Variants in SLC35E2B observed in about 807,000 individuals in gnomAD.
SLC35E2B encodes solute carrier family 35, member E2B.
A neutral mutation model predicts 32.4 loss-of-function variants in SLC35E2B; 18 were observed. The observed-to-expected ratio is 0.56, with a 90% CI of 0.38 to 0.82. The LOEUF (loss-of-function observed/expected upper bound fraction) is 0.82. Ranked by LOEUF, SLC35E2B falls within the 40% of genes least tolerant of loss-of-function variation. The probability of loss-of-function intolerance (pLI) is 0.00; values close to 1 mark genes in which losing one functional copy is unlikely to be tolerated. For synonymous variants in SLC35E2B, 132 were observed against 209.1 expected (o/e 0.63, Z 3.18); for missense variants, 263 against 469.5 (o/e 0.56, Z 4.06).
intron 2 of SLC35E2B, among the ~76,000 whole-genome samples, chr1:1,678,629 C>T (rs568845921): frequency 6.6e-6 from 1 of 152,270 alleles, no homozygotes; most frequent in East Asian, 1.9e-4. Flanking sequence ...AGGCCGACCC[C>T]TCCACCAGTT....
intron 2 of SLC35E2B, among the ~76,000 whole-genome samples, chr1:1,684,025 T>C (rs1359658841): frequency 6.6e-6 from 1 of 152,108 alleles, no homozygotes; most frequent in African/African-American, 2.4e-5. Context: ...CCCAGTACTT[T>C]GGAAGGCCGA....
Position 1,665,595 on chromosome 1 carries a change from G to A in SLC35E2B, c.*187C>T, listed in dbSNP as rs1643521043. The A allele has an allele frequency of 1.1e-6, 1 of 889,716 alleles. No homozygotes were observed. The highest frequency in any genetic ancestry group is 2.7e-5 in the East Asian group (1 of 37,470). The allele number at this position is 889,716 out of a possible 1,614,324, so 55.1% of individuals were successfully genotyped here. ...ACTGGTCTGGTCTCTACTCCAGGAAGCTGATACCTGGAATCCCCAGTTTGA... is the reference window on the plus strand; with the variant it reads ...ACTGGTCTGGTCTCTACTCCAGGAAACTGATACCTGGAATCCCCAGTTTGA... On this transcript the variant is annotated 3_prime_UTR_variant, in exon 10 of 10. Transcript: ENST00000617444.
At chr1:1,681,577 G>T (rs991898912) in intron 2 of SLC35E2B, among the ~76,000 whole-genome samples, 2 of 150,976 alleles carry the variant, frequency 1.3e-5, no homozygotes, top group African/African-American at 4.9e-5. Flanking sequence ...CACAATCTCA[G>T]CTCACCGTAG....
chr1:1,666,791 C>G (rs553360922), intron 9 of SLC35E2B, among the ~76,000 whole-genome samples: 1 of 148,932 alleles, frequency 6.7e-6, no homozygotes, highest in Non-Finnish European at 1.5e-5. Context: ...AGGCCGGGCA[C>G]GGGGGCTCAG....
At chr1:1,684,978 A>C (rs1643934002) in intron 2 of SLC35E2B, among the ~76,000 whole-genome samples, 1 of 146,418 alleles carries the variant, frequency 6.8e-6, no homozygotes, top group South Asian at 2.2e-4. Context: ...GTGGTGGCGC[A>C]TGCCTGTAGT....
rs1243103265 is a variant in SLC35E2B at position 1,662,111 on chromosome 1, T to C, written c.*3671A>G. On this transcript the variant is annotated 3_prime_UTR_variant, in exon 10 of 10. Transcript: ENST00000617444. ...CTGAAGGTTTCTGTGCTCTGAGGGA[T>C]CCGAGAGTGGATGTCCCACTCCTGT... The C allele has an allele frequency of 2.1e-6, 2 of 937,736 alleles. No individual in the cohort carries two copies. The highest frequency in any genetic ancestry group is 2.5e-6 in the Non-Finnish European group (2 of 792,288). The allele number at this position is 937,736 out of a possible 1,614,324, so 58.1% of individuals were successfully genotyped here. A position where few individuals can be genotyped will look rare whatever the true frequency, so the allele number is the denominator to read the frequency against.
Position 1,665,457 on chromosome 1 carries a change from C to G in SLC35E2B, c.*325G>C. On this transcript the variant is annotated 3_prime_UTR_variant, in exon 10 of 10. Transcript: ENST00000617444. Reference sequence around the variant, plus strand: ...TCGTTGGCACTGGACCCACCTCTGGCTCCCGGTGGACCCTGGGGTGTCGCC... The same window carrying G: ...TCGTTGGCACTGGACCCACCTCTGGGTCCCGGTGGACCCTGGGGTGTCGCC... 1 of 528,644 alleles carries G rather than the reference C, an allele frequency of 1.9e-6. No individual in the cohort carries two copies. Among genetic ancestry groups the G allele is most frequent in the Non-Finnish European group, 3.3e-6 (1 of 301,052 alleles). The allele number at this position is 528,644 out of a possible 1,614,324, so 32.7% of individuals were successfully genotyped here.
In SLC35E2B at chr1:1,664,565, AACAC is replaced by A. The variant is rs1476511962; in HGVS notation, c.*1213_*1216del. 1.1e-6 allele frequency: 1 copy of A among 899,364 alleles called. No homozygotes were observed. The highest frequency in any genetic ancestry group is 6.6e-5 in the Admixed American group (1 of 15,162). 55.7% of individuals were successfully genotyped at this position (899,364 alleles called of 1,614,324 possible). ...CAGACATGGTCAGAAGCCTCTGCCTAACACACGGCTCCAGTAGCCACTCCTCAGG... is the reference window on the plus strand; with the variant it reads ...CAGACATGGTCAGAAGCCTCTGCCTAACGGCTCCAGTAGCCACTCCTCAGG... On this transcript the variant is annotated 3_prime_UTR_variant, in exon 10 of 10. Transcript: ENST00000617444.
chr1:1,667,174 A>T (rs1397089281), intron 9 of SLC35E2B, among the ~76,000 whole-genome samples: 1 of 134,890 alleles, frequency 7.4e-6, no homozygotes, highest in Non-Finnish European at 1.6e-5. Context: ...TGGGAGGCTG[A>T]GGCGGGCAGA....
Position 1,664,844 on chromosome 1 carries a change from G to A in SLC35E2B, c.*938C>T. ...AAGGCTCACGTGGGGAACCGGACAG[G>A]TGCTAGATGATGATAGGAACAGTGG... On this transcript the variant is annotated 3_prime_UTR_variant, in exon 10 of 10. Coordinates refer to ENST00000617444, the MANE Select transcript of SLC35E2B (RefSeq NM_001290264.2). 1 of 912,922 alleles carries A rather than the reference G, an allele frequency of 1.1e-6. No homozygotes were observed. Among genetic ancestry groups the A allele is most frequent in the Non-Finnish European group, 1.3e-6 (1 of 768,964 alleles). 56.6% of individuals were successfully genotyped at this position (912,922 alleles called of 1,614,324 possible).
intron 2 of SLC35E2B, among the ~76,000 whole-genome samples, chr1:1,686,596 T>A (rs771856334): frequency 1.4e-5 from 2 of 147,658 alleles, no homozygotes; most frequent in African/African-American, 2.5e-5. Flanking sequence ...TGAAACCCCA[T>A]CCCTAGTAAA....
chr1:1,684,897 G>A (rs1220497437), intron 2 of SLC35E2B, among the ~76,000 whole-genome samples: 4 of 150,554 alleles, frequency 2.7e-5, no homozygotes, highest in Non-Finnish European at 5.9e-5. Flanking sequence ...CCTGAGGTTG[G>A]GAGTTCGAGA....
intron 2 of SLC35E2B, among the ~76,000 whole-genome samples, chr1:1,681,688 G>A (rs1643900801): frequency 6.7e-6 from 1 of 149,186 alleles, no homozygotes; most frequent in African/African-American, 2.4e-5. Flanking sequence ...TGTACTTTTA[G>A]AAGAGATAGG....
intron 2 of SLC35E2B, among the ~76,000 whole-genome samples, chr1:1,682,573 G>C (rs1301764581): frequency 6.6e-6 from 1 of 152,070 alleles, no homozygotes; most frequent in Non-Finnish European, 1.5e-5. Context: ...AGCTGTGCGG[G>C]AAGCACCACG....
chr1:1,668,991 C>CAA (rs1021377861), intron 8 of SLC35E2B, among the ~76,000 whole-genome samples: 4 of 71,630 alleles, frequency 5.6e-5, no homozygotes, highest in African/African-American at 1.5e-4. Context: ...ATATCATCTC[C>CAA]AAAAAAAAAA....
Position 1,675,444 on chromosome 1 carries a change from C to A in SLC35E2B, c.586+19G>T. ...GGATGGTGGGGCGCAGGCGGAGGGG[C>A]GGGGCCCGGGGGCCTCACCTGTGTA... On this transcript the variant is annotated intron_variant, in intron 5 of 9. Coordinates refer to ENST00000617444, the MANE Select transcript of SLC35E2B (RefSeq NM_001290264.2). The A allele has an allele frequency of 6.2e-7, 1 of 1,611,000 alleles. No homozygotes were observed. The highest frequency in any genetic ancestry group is 8.5e-7 in the Non-Finnish European group (1 of 1,178,988).
At chr1:1,682,976 T>C (rs921251362) in intron 2 of SLC35E2B, among the ~76,000 whole-genome samples, 4 of 151,658 alleles carry the variant, frequency 2.6e-5, no homozygotes, top group Admixed American at 6.6e-5. Flanking sequence ...ACTCAAGAGG[T>C]TGAGGCAGGA....
At chr1:1,687,677 G>A (rs1467995197) in intron 2 of SLC35E2B, among the ~76,000 whole-genome samples, 2 of 151,482 alleles carry the variant, frequency 1.3e-5, no homozygotes, top group Admixed American at 6.6e-5. Flanking sequence ...GGAGGTTGCA[G>A]TGAGCCTAGA....
chr1:1,681,222 G>A (rs1462947136), intron 2 of SLC35E2B, among the ~76,000 whole-genome samples: 1 of 151,844 alleles, frequency 6.6e-6, no homozygotes, highest in East Asian at 1.9e-4. Flanking sequence ...TTTCGAGATA[G>A]AGTCTCGCTC....
Sources: gnomAD v4.1 joint callset for allele counts (sites outside exome capture counted in the v4.1 genomes callset) on GRCh38, gnomAD v4.1.1 for gene constraint, MANE v1.5 for transcripts, NCBI Gene and HGNC (gene_info 2026-07-23, HGNC 2026-07-21) for gene names.